HNRNPL: variants seen among roughly 807,000 people sequenced by gnomAD.
HNRNPL encodes the protein epididymis secretory sperm binding protein.
Under a neutral mutation model 64.0 loss-of-function variants are expected in HNRNPL, and 12 were observed. The observed-to-expected ratio is 0.19, with a 90% CI of 0.12 to 0.30. The LOEUF is 0.30. Among genes scored for constraint, HNRNPL ranks in the 10% least tolerant of loss-of-function variants. The pLI is 1.00. For synonymous variants in HNRNPL, 385 were observed against 313.0 expected, an observed-to-expected ratio of 1.23 and a Z score of -2.43; for missense variants, 484 against 797.4, an observed-to-expected ratio of 0.61 and a Z score of 4.73.
intron 12 of HNRNPL, 112 bp from the exon 13 acceptor site, chr19:38,836,892 T>TA: frequency 1.4e-6 from 1 of 723,736 alleles, no homozygotes. Flanking sequence ...GGCAGGGGTC[T>TA]AAGGAGTGAC....
rs373954805 is a variant in HNRNPL, at chr19:38,846,097, G to C, written c.387-7C>G. 1.3e-6 allele frequency: 2 copies of C among 1,596,522 alleles called. No homozygotes were observed. Among genetic ancestry groups the C allele is most frequent in the East Asian group, 2.2e-5 (1 of 44,742 alleles). On this transcript the variant is annotated splice_region_variant and splice_polypyrimidine_tract_variant and intron_variant, in intron 2 of 12. Transcript: ENST00000221419. ...AGGCATTACCACCACATAGCTGGCA[G>C]AGAGAACACAGGTTTCAATCCTCTC... is the stretch of plus-strand genomic sequence containing the variant.
rs142449808 is a variant in HNRNPL at position 38,837,427 on chromosome 19, C to T, written c.1668G>A (p.Leu556=). The change falls in exon 12 of 13, where the codon CTG becomes CTA. Residue 556 remains leucine (L), a synonymous_variant. Coordinates refer to ENST00000221419, the MANE Select transcript of HNRNPL (RefSeq NM_001533.3). Reference sequence around the variant, plus strand: ...AATGGTTCAGGAAGCCCAGAGTCTCCAGGGCATCGCTCTTGGATTCCCACT... The same window carrying T: ...AATGGTTCAGGAAGCCCAGAGTCTCTAGGGCATCGCTCTTGGATTCCCACT... ...LLEWESKSDA[L]ETLGFLNHYQ... 1 of 1,614,122 alleles carries T rather than the reference C, an allele frequency of 6.2e-7. No homozygotes were observed. The highest frequency in any genetic ancestry group is 1.3e-5 in the African/African-American group (1 of 74,944).
chr19:38,842,584 C>G (rs1972152305), intron 6 of HNRNPL, among the ~76,000 whole-genome samples: 1 of 151,980 alleles, frequency 6.6e-6, no homozygotes. Context: ...TTTCTGGGGA[C>G]GTGGTGGAGG....
chr19:38,838,302 G>A (rs1971995998), intron 10 of HNRNPL, 95 bp downstream of exon 10: 2 of 1,026,520 alleles, frequency 1.9e-6, no homozygotes, highest in East Asian at 2.5e-5. Flanking sequence ...CAGGACAGGA[G>A]TTCAACAGCT....
intron 6 of HNRNPL, chr19:38,843,532 G>A: frequency 2.6e-6 from 1 of 391,450 alleles, no homozygotes; most frequent in East Asian, 4.8e-5. Flanking sequence ...GACTCTCAAA[G>A]GAGCCACTGC....
At chr19:38,837,811 G>A (rs1397672304) in intron 10 of HNRNPL, among the ~76,000 whole-genome samples, 160 bp from the exon 11 acceptor site, 3 of 152,222 alleles carry the variant, frequency 2.0e-5, no homozygotes, top group African/African-American at 7.2e-5. Flanking sequence ...GTCATAAAAA[G>A]GCCAGCAACA....
intron 1 of HNRNPL, among the ~76,000 whole-genome samples, chr19:38,848,924 T>C (rs11883010): frequency 0.043 from 6,472 of 152,218 alleles, 413 homozygotes; most frequent in African/African-American, 0.14. Context: ...CCTGTAAGAC[T>C]TCAAGATTTT....
At chr19:38,845,099 T>C (rs1014165448) in intron 4 of HNRNPL, 1 of 90,764 alleles carries the variant, frequency 1.1e-5, no homozygotes, top group Non-Finnish European at 2.8e-5. Flanking sequence ...GTCACTCATA[T>C]TTGAACTTAG....
chr19:38,837,281 A>G, intron 12 of HNRNPL, 103 bp downstream of exon 12: 1 of 871,458 alleles, frequency 1.1e-6, no homozygotes, highest in South Asian at 1.4e-5. Flanking sequence ...CAGTGCGAAG[A>G]TCCCGGGGTC....
chr19:38,847,194 C>T (rs772204865), intron 2 of HNRNPL, 122 bp downstream of exon 2: 7 of 514,184 alleles, frequency 1.4e-5, no homozygotes, highest in Middle Eastern at 5.6e-4. Context: ...AAAAGCAGAG[C>T]GGCCACAGAA....
intron 9 of HNRNPL, 94 bp from the exon 10 acceptor site, chr19:38,838,692 G>C (rs2145408861): frequency 7.3e-7 from 1 of 1,377,124 alleles, no homozygotes; most frequent in East Asian, 2.3e-5. Flanking sequence ...TGCCCTGTGT[G>C]CCTTGGGGCA....
At chr19:38,849,590 GA>G in intron 1 of HNRNPL, 109 bp downstream of exon 1, 2 of 1,255,986 alleles carry the variant, frequency 1.6e-6, no homozygotes, top group Non-Finnish European at 2.0e-6. Context: ...TCAACGACGC[GA>G]TGGCCTGGGC....
Position 38,836,911 on chromosome 19 carries a change from G to GT in HNRNPL, c.1712-132dup. The GT allele has an allele frequency of 1.3e-5, 8 of 629,396 alleles. No homozygotes were observed. The South Asian group carries it at 1.7e-4, about 14-fold the overall frequency. 39.0% of individuals were successfully genotyped at this position (629,396 alleles called of 1,614,324 possible). Reference sequence around the variant, plus strand: ...GGGGTCTAAGGAGTGACTGCCCAACGTGAGGCTTCAAGATGAGCCAATTAC... The same window carrying GT: ...GGGGTCTAAGGAGTGACTGCCCAACGTTGAGGCTTCAAGATGAGCCAATTAC... On this transcript the variant is annotated intron_variant, in intron 12 of 12. Coordinates refer to ENST00000221419, the MANE Select transcript of HNRNPL (RefSeq NM_001533.3).
Position 38,840,326 on chromosome 19 carries a change from G to T in HNRNPL, c.1003C>A (p.Pro335Thr). Residue 335 changes from proline to threonine, a missense_variant, in exon 8 of 13, where the codon CCC becomes ACC. Pro to Thr is a conservative substitution (Grantham distance 38). Transcript: ENST00000221419. ...CTCCCTTCGTAGTGAGGTGGGGGGG[G>T]CCCGTAGCCCTCATCATGGTAATGG... ...HSHYHDEGYG[P>T]PPPHYEGRRM... The T allele has an allele frequency of 6.5e-7, 1 of 1,539,418 alleles. No individual in the cohort carries two copies. Among genetic ancestry groups the T allele is most frequent in the Non-Finnish European group, 8.8e-7 (1 of 1,136,564 alleles).
At chr19:38,839,050 C>T (rs1600048801) in intron 8 of HNRNPL, 35 bp from the exon 9 acceptor site, 2 of 1,610,378 alleles carry the variant, frequency 1.2e-6, no homozygotes, top group Non-Finnish European at 1.7e-6. Flanking sequence ...CACCTCTGTC[C>T]AGCTGCCAGG....
In HNRNPL at chr19:38,837,500, A is replaced by AT. The variant is rs761663334; in HGVS notation, c.1616-22_1616-21insA. ...CTCACCTGATTGCAAACCAAGGGGA[A>AT]AAGTAAAGGTTTTAGACTCACCCAA... is the stretch of plus-strand genomic sequence containing the variant. On this transcript the variant is annotated intron_variant, in intron 11 of 12. Coordinates refer to ENST00000221419, the MANE Select transcript of HNRNPL (RefSeq NM_001533.3). The AT allele has an allele frequency of 1.5e-5, 25 of 1,613,800 alleles. No individual in the cohort carries two copies. The African/African-American group carries it at 2.8e-4, about 18-fold the overall frequency.
At chr19:38,850,733 T>C (rs894275732), upstream of HNRNPL, among the ~76,000 whole-genome samples, 4 of 152,238 alleles carry the variant, frequency 2.6e-5, no homozygotes. Context: ...GCCATCACTA[T>C]ACCGTGTTCA....
intron 6 of HNRNPL, chr19:38,840,996 C>G (rs772712631): frequency 5.1e-6 from 1 of 194,266 alleles, no homozygotes; most frequent in African/African-American, 2.4e-5. Flanking sequence ...CAAGTTTGAC[C>G]CCCAAAGCCC....
intron 10 of HNRNPL, 145 bp from the exon 11 acceptor site, chr19:38,837,796 CCT>C (rs1035936456): frequency 8.9e-6 from 6 of 670,542 alleles, no homozygotes; most frequent in Non-Finnish European, 1.5e-5. Context: ...CTAAGGCATC[CCT>C]GTGTCATAAA....
Sources: gnomAD v4.1 joint callset for allele counts (sites outside exome capture counted in the v4.1 genomes callset) on GRCh38, gnomAD v4.1.1 for gene constraint, MANE v1.5 for transcripts, NCBI Gene and HGNC (gene_info 2026-07-23, HGNC 2026-07-21) for gene names.